The following ARHGAP12 variants were observed in gnomAD, a reference collection of about 807,000 sequenced individuals.
ARHGAP12 encodes the protein Rho GTPase activating protein 12.
ARHGAP12 carries 64 observed loss-of-function variants against 108.6 expected under a neutral mutation model. The observed-to-expected ratio is 0.59, with a 90% CI of 0.48 to 0.73. The LOEUF (loss-of-function observed/expected upper bound fraction) is 0.73. Among genes scored for constraint, ARHGAP12 ranks in the 30% least tolerant of loss-of-function variants. The probability of loss-of-function intolerance (pLI) is 0.00; values close to 1 mark genes in which losing one functional copy is unlikely to be tolerated. For synonymous variants in ARHGAP12, 312 were observed against 337.2 expected, an observed-to-expected ratio of 0.93 and a Z score of 0.82; for missense variants, 940 against 1,005.9, an observed-to-expected ratio of 0.93 and a Z score of 0.89.
chr10:31,809,326 T>TTG lies in ARHGAP12; in HGVS notation c.2051-21_2051-20dup, dbSNP rs533175767. 2.5e-4 allele frequency: 396 copies of TTG among 1,607,290 alleles called. 1 individual carries two copies. The highest frequency in any genetic ancestry group is 2.2e-3 in the African/African-American group (162 of 74,764). The stretch of plus-strand genomic sequence containing the variant: ...TCCAAACCTAAGAGACAATAATAAT[T>TTG]TGTGTGTGTGTGTGTTTAAAGTACT... On this transcript the variant is annotated intron_variant, in intron 16 of 19. Transcript: ENST00000344936.
intron 10 of ARHGAP12, among the ~76,000 whole-genome samples, chr10:31,829,361 G>C (rs1297338575): frequency 6.6e-6 from 1 of 152,174 alleles, no homozygotes; most frequent in Non-Finnish European, 1.5e-5. Context: ...AGTAGGTATA[G>C]AGTTTCAGCG....
At chr10:31,851,550 C>T (rs1419365424) in intron 6 of ARHGAP12, among the ~76,000 whole-genome samples, 1 of 152,156 alleles carries the variant, frequency 6.6e-6, no homozygotes, top group African/African-American at 2.4e-5. Context: ...TCAACTCAGA[C>T]TCACAAAGGT....
At chr10:31,926,071 C>A (rs886612343) in intron 1 of ARHGAP12, among the ~76,000 whole-genome samples, 2 of 152,068 alleles carry the variant, frequency 1.3e-5, no homozygotes, top group African/African-American at 4.8e-5. Flanking sequence ...TGTGGTCTGG[C>A]AGAACAGCAT....
intron 14 of ARHGAP12, 92 bp from the exon 15 acceptor site, chr10:31,812,915 C>A: frequency 3.1e-6 from 2 of 642,502 alleles, no homozygotes; most frequent in Non-Finnish European, 5.3e-6. Context: ...ACATTAACCT[C>A]ATATGTCAAG....
intron 4 of ARHGAP12, 144 bp downstream of exon 4, chr10:31,861,250 AG>A: frequency 3.0e-6 from 3 of 1,014,400 alleles, no homozygotes; most frequent in Non-Finnish European, 4.2e-6. Flanking sequence ...ATTTTAGTAA[AG>A]CTTGGAAAGA....
intron 3 of ARHGAP12, among the ~76,000 whole-genome samples, chr10:31,892,551 A>T (rs951198335): frequency 6.6e-6 from 1 of 152,238 alleles, no homozygotes; most frequent in Non-Finnish European, 1.5e-5. Context: ...AAGAAGAGCT[A>T]ACTATCCTAA....
chr10:31,924,494 T>G (rs567261713), intron 1 of ARHGAP12, among the ~76,000 whole-genome samples: 2 of 152,328 alleles, frequency 1.3e-5, no homozygotes, highest in South Asian at 4.1e-4. Context: ...ATATAGTATG[T>G]AGCCTTCTGT....
chr10:31,908,420 C>T lies in ARHGAP12; in HGVS notation c.436G>A (p.Val146Ile). The T allele has an allele frequency of 6.2e-7, 1 of 1,614,182 alleles. No homozygotes were observed. Among genetic ancestry groups the T allele is most frequent in the Non-Finnish European group, 8.5e-7 (1 of 1,180,018 alleles). ...FGPSYNQGQT[V>I]NLSLDLTHNN... ...TGGGTCAGGTCCAGGCTTAGGTTGA[C>T]AGTCTGACCTTGATTATAACTGGGT... The change falls in exon 3 of 20, where the codon GTC (valine) becomes ATC (isoleucine). Residue 146 changes from valine to isoleucine, a missense_variant. Val to Ile is a conservative substitution (Grantham distance 29). Transcript: ENST00000344936.
At chr10:31,874,798 C>G (rs1837663529) in intron 3 of ARHGAP12, among the ~76,000 whole-genome samples, 1 of 151,400 alleles carries the variant, frequency 6.6e-6, no homozygotes, top group African/African-American at 2.4e-5. Context: ...ACATGGTGAA[C>G]CCTCATCTCT....
At chr10:31,913,818 A>G (rs1208194639) in intron 1 of ARHGAP12, 1 of 151,052 alleles carries the variant, frequency 6.6e-6, no homozygotes, top group African/African-American at 2.5e-5. Flanking sequence ...GTAAGGCTGT[A>G]TAAGATTTGT....
intron 7 of ARHGAP12, among the ~76,000 whole-genome samples, chr10:31,841,813 A>C (rs1836280168): frequency 6.6e-6 from 1 of 152,150 alleles, no homozygotes; most frequent in South Asian, 2.1e-4. Context: ...ATTACAATTC[A>C]GGTTATACAC....
intron 1 of ARHGAP12, among the ~76,000 whole-genome samples, chr10:31,912,303 A>AG (rs1449731271): frequency 6.6e-6 from 1 of 152,238 alleles, no homozygotes; most frequent in Non-Finnish European, 1.5e-5. Context: ...CAGCTCAGAC[A>AG]TACTATAGTT....
chr10:31,907,472 A>T (rs1564426464), intron 3 of ARHGAP12, among the ~76,000 whole-genome samples: 1 of 143,062 alleles, frequency 7.0e-6, no homozygotes, highest in Admixed American at 7.3e-5. Context: ...AAAAAAAAAA[A>T]ATTTTTTTTT....
At chr10:31,921,493 C>A (rs530753883) in intron 1 of ARHGAP12, among the ~76,000 whole-genome samples, 1 of 151,744 alleles carries the variant, frequency 6.6e-6, no homozygotes, top group African/African-American at 2.4e-5. Context: ...AGGTCGGGCG[C>A]GGTAGCTCAT....
chr10:31,897,347 C>T (rs370188731), intron 3 of ARHGAP12, among the ~76,000 whole-genome samples: 1 of 152,088 alleles, frequency 6.6e-6, no homozygotes. Flanking sequence ...GTAAAATTCA[C>T]AGCTCATGAC....
chr10:31,821,043 C>T (rs1445761998), intron 11 of ARHGAP12, among the ~76,000 whole-genome samples: 1 of 152,058 alleles, frequency 6.6e-6, no homozygotes, highest in East Asian at 1.9e-4. Context: ...AGCGCATTTT[C>T]TACCTAATAA....
intron 5 of ARHGAP12, among the ~76,000 whole-genome samples, chr10:31,853,535 C>G (rs559483417): frequency 6.6e-6 from 1 of 152,334 alleles, no homozygotes; most frequent in Non-Finnish European, 1.5e-5. Context: ...CCTAGCCCCA[C>G]TTATTCCCAA....
At chr10:31,903,397 T>C (rs896238728) in intron 3 of ARHGAP12, among the ~76,000 whole-genome samples, 1 of 152,228 alleles carries the variant, frequency 6.6e-6, no homozygotes, top group African/African-American at 2.4e-5. Context: ...AATGTCATTA[T>C]GCGGTGCATG....
intron 11 of ARHGAP12, among the ~76,000 whole-genome samples, chr10:31,821,394 G>A (rs1835412620): frequency 1.3e-5 from 2 of 152,064 alleles, no homozygotes; most frequent in South Asian, 2.1e-4. Flanking sequence ...AGTCTGTTAA[G>A]TATAAAAAGT....
Sources: gnomAD v4.1 joint callset for allele counts (sites outside exome capture counted in the v4.1 genomes callset) on GRCh38, gnomAD v4.1.1 for gene constraint, MANE v1.5 for transcripts, NCBI Gene and HGNC (gene_info 2026-07-23, HGNC 2026-07-21) for gene names.